Variants in KSR2 observed in about 807,000 individuals in gnomAD.
KSR2 encodes the protein kinase suppressor of ras 2.
Under a neutral mutation model 107.8 loss-of-function variants are expected in KSR2, and 25 were observed. The observed-to-expected ratio is 0.23, with a 90% CI of 0.17 to 0.32. The LOEUF is 0.32. Ranked by LOEUF, KSR2 falls within the 10% of genes least tolerant of loss-of-function variation. The pLI is 1.00. For missense variants in KSR2, 887 were observed against 1,268.9 expected (o/e 0.70, Z 4.57); for synonymous variants, 480 against 507.0 (o/e 0.95, Z 0.71).
chr12:117,894,364 G>C (rs964011893), intron 1 of KSR2, among the ~76,000 whole-genome samples: 4 of 152,068 alleles, frequency 2.6e-5, no homozygotes, highest in African/African-American at 9.7e-5. Context: ...TCTTTAAATA[G>C]TGCATTAAAA....
intron 4 of KSR2, among the ~76,000 whole-genome samples, chr12:117,734,365 G>T (rs1887854843): frequency 6.6e-6 from 1 of 151,706 alleles, no homozygotes. Flanking sequence ...AAAATGAAAG[G>T]CTTAAACATT....
chr12:117,540,685 GT>G (rs760015570), intron 9 of KSR2, among the ~76,000 whole-genome samples: 3,152 of 152,320 alleles, frequency 0.021, 54 homozygotes, highest in Non-Finnish European at 0.033. Context: ...GGAAAGTCAT[GT>G]GAAGATGGAG....
At chr12:117,778,693 A>G (rs753313689) in intron 3 of KSR2, among the ~76,000 whole-genome samples, 39 of 151,968 alleles carry the variant, frequency 2.6e-4, no homozygotes, top group Admixed American at 5.3e-4. Context: ...TGAGGGAGGG[A>G]GAAGGAGGTG....
intron 4 of KSR2, among the ~76,000 whole-genome samples, chr12:117,748,459 A>T (rs186796891): frequency 2.4e-4 from 36 of 152,334 alleles, no homozygotes; most frequent in Non-Finnish European, 4.9e-4. Flanking sequence ...TCATCACAAA[A>T]AAATAATAAG....
chr12:117,920,610 A>G (rs1053820403), intron 1 of KSR2, among the ~76,000 whole-genome samples: 2 of 152,154 alleles, frequency 1.3e-5, no homozygotes, highest in African/African-American at 2.4e-5. Context: ...CAATAGGCCC[A>G]TGGGGGAGAT....
intron 14 of KSR2, among the ~76,000 whole-genome samples, chr12:117,523,461 G>T (rs1874900787): frequency 6.6e-6 from 1 of 152,186 alleles, no homozygotes; most frequent in Admixed American, 6.5e-5. Flanking sequence ...CCAAAGGATT[G>T]TTTCACAACT....
At chr12:117,520,057 ATC>A (rs1874647507) in intron 14 of KSR2, among the ~76,000 whole-genome samples, 1 of 152,188 alleles carries the variant, frequency 6.6e-6, no homozygotes, top group Non-Finnish European at 1.5e-5. Flanking sequence ...AAAATGCAGA[ATC>A]TCTGTGTCAC....
intron 14 of KSR2, among the ~76,000 whole-genome samples, chr12:117,490,224 A>G (rs1455209581): frequency 6.6e-6 from 1 of 152,210 alleles, no homozygotes; most frequent in Non-Finnish European, 1.5e-5. Flanking sequence ...GCCATTAATT[A>G]GATATCACAG....
chr12:117,947,178 GAAAGAAAGA>G lies in KSR2; in HGVS notation c.180+20889_180+20897del, dbSNP rs1236536061. Among the ~76,000 whole-genome samples the G allele has an allele frequency of 2.7e-4, 26 of 97,786 alleles. No individual in the cohort carries two copies. In the East Asian group the frequency reaches 3.1e-3, roughly 12 times the overall value. 64.2% of individuals were successfully genotyped at this position (97,786 alleles called of 152,430 possible). On this transcript the variant is annotated intron_variant, in intron 1 of 19. Coordinates refer to ENST00000339824, the MANE Select transcript of KSR2 (RefSeq NM_173598.6). ...GCTACACTCTGTCAAAAGAAAGAAAGAAAGAAAGAAAAGAAAGAAAAGAAAGAAAAGAAA... is the reference window on the plus strand; with the variant it reads ...GCTACACTCTGTCAAAAGAAAGAAAGAAAGAAAGAAAAGAAAGAAAAGAAA...
intron 5 of KSR2, among the ~76,000 whole-genome samples, chr12:117,583,432 GAT>G (rs1490475425): frequency 6.6e-5 from 10 of 150,786 alleles, no homozygotes; most frequent in African/African-American, 2.4e-4. Context: ...TGGATGGATG[GAT>G]GGATGGATGG....
intron 10 of KSR2, among the ~76,000 whole-genome samples, chr12:117,535,446 G>T (rs1449095073): frequency 2.0e-5 from 3 of 152,146 alleles, no homozygotes; most frequent in African/African-American, 7.2e-5. Context: ...CATAAAAGAG[G>T]CACTCAGGAG....
intron 3 of KSR2, among the ~76,000 whole-genome samples, chr12:117,830,216 G>A (rs1315752898): frequency 2.0e-5 from 3 of 151,880 alleles, no homozygotes; most frequent in East Asian, 3.9e-4. Context: ...TGCAGTGAGC[G>A]AAGATCAAGC....
intron 5 of KSR2, among the ~76,000 whole-genome samples, chr12:117,646,313 C>A (rs1883636753): frequency 6.6e-6 from 1 of 152,166 alleles, no homozygotes; most frequent in Non-Finnish European, 1.5e-5. Context: ...GCAGAAGCAG[C>A]AGCTGAACCT....
chr12:117,647,337 C>T (rs140179497), intron 5 of KSR2, among the ~76,000 whole-genome samples: 1,747 of 152,254 alleles, frequency 0.011, 16 homozygotes, highest in Middle Eastern at 0.024. Flanking sequence ...GAACACTTTT[C>T]ACTTTTATCC....
intron 3 of KSR2, among the ~76,000 whole-genome samples, chr12:117,841,941 TATC>T (rs1892499394): frequency 6.6e-6 from 1 of 152,278 alleles, no homozygotes; most frequent in Non-Finnish European, 1.5e-5. Context: ...TCGCTGCTGT[TATC>T]ATCAACCACT....
intron 1 of KSR2, among the ~76,000 whole-genome samples, chr12:117,950,737 T>TAAAAAA (rs1183707257): frequency 7.3e-4 from 93 of 127,748 alleles, no homozygotes; most frequent in African/African-American, 2.6e-3. Flanking sequence ...CAAGACTCTG[T>TAAAAAA]AAAAAAAAAA....
At position 117,555,275 on chromosome 12, in the gene KSR2, C is replaced by T. The variant is rs773697166; in HGVS notation, c.1412G>A (p.Arg471Gln). The stretch of plus-strand genomic sequence containing the variant: ...GATGTCACACGGAACGGACTCTGTC[C>T]GGACTAACCTTGCTGGATCCGTAGG... ...IHRGDPARLV[R>Q]TESVPCDINN... Residue 471 changes from arginine (R) to glutamine (Q), a missense_variant, in exon 9 of 20, where the codon CGG becomes CAG. By Grantham distance (43) the Arg-to-Gln change is conservative. Transcript: ENST00000339824. 2 of 1,613,890 alleles carry T rather than the reference C, an allele frequency of 1.2e-6. No homozygotes were observed. Among genetic ancestry groups the T allele is most frequent in the Non-Finnish European group, 8.5e-7 (1 of 1,179,816 alleles).
chr12:117,762,887 T>C (rs7952814), intron 3 of KSR2, among the ~76,000 whole-genome samples: 2 of 151,806 alleles, frequency 1.3e-5, no homozygotes, highest in East Asian at 1.9e-4. Flanking sequence ...AAAAACCTTT[T>C]TTTTATTTTA....
At chr12:117,559,850 G>GC (rs1265017408) in intron 7 of KSR2, among the ~76,000 whole-genome samples, 1 of 152,136 alleles carries the variant, frequency 6.6e-6, no homozygotes, top group Non-Finnish European at 1.5e-5. Context: ...TGCCGTAAGT[G>GC]CCCCATTCGT....
Sources: allele counts gnomAD v4.1 joint callset (sites outside exome capture counted in the v4.1 genomes callset), GRCh38; gene constraint gnomAD v4.1.1; transcripts MANE v1.5; gene names NCBI Gene and HGNC (gene_info 2026-07-23, HGNC 2026-07-21).